The following NEU3 variants were observed in gnomAD, a reference collection of about 807,000 sequenced individuals.
NEU3 encodes the protein sialidase-3.
Under a neutral mutation model 11.4 loss-of-function variants are expected in NEU3, and 10 were observed. The observed-to-expected ratio is 0.88, with a 90% CI of 0.54 to 1.49. The LOEUF (loss-of-function observed/expected upper bound fraction) is 1.49. Ranked by LOEUF, NEU3 falls within the 40% of genes most tolerant of loss-of-function variation. The pLI, the probability that NEU3 is intolerant of heterozygous loss-of-function variation, is 0.00. For missense variants in NEU3, 529 were observed against 581.8 expected (o/e 0.91, Z 0.93); for synonymous variants, 212 against 228.2 (o/e 0.93, Z 0.64).
rs552631516 is a variant in NEU3, at chr11:75,009,420, T to C, written c.*2928T>C. 1.3e-5 allele frequency: 2 copies of C among 152,374 alleles called. No individual in the cohort carries two copies. Among genetic ancestry groups the C allele is most frequent in the East Asian group, 1.9e-4 (1 of 5,176 alleles). The allele number at this position is 152,374 out of a possible 1,614,324, so 9.4% of individuals were successfully genotyped here. A position where few individuals can be genotyped will look rare whatever the true frequency, so the allele number is the denominator to read the frequency against. On this transcript the variant is annotated 3_prime_UTR_variant, in exon 3 of 3. Transcript: ENST00000294064. ...TCCAGATGACCAACAAAGACAGCTA[T>C]AGACACTCTAACTCTGTGCCAATTA...
intron 2 of NEU3, chr11:75,004,310 G>A (rs1948876313): frequency 1.5e-6 from 1 of 679,048 alleles, no homozygotes; most frequent in African/African-American, 1.8e-5. Context: ...TTTAGAGATG[G>A]GGTTTTGCCA....
intron 2 of NEU3, among the ~76,000 whole-genome samples, chr11:75,004,753 T>C (rs1335073715): frequency 6.6e-6 from 1 of 152,218 alleles, no homozygotes; most frequent in Non-Finnish European, 1.5e-5. Context: ...ACTAGGTGTC[T>C]CTGAATCTAT....
intron 2 of NEU3, among the ~76,000 whole-genome samples, chr11:74,998,557 T>C (rs564635463): frequency 2.6e-5 from 4 of 152,304 alleles, no homozygotes; most frequent in Admixed American, 1.3e-4. Context: ...ACTTTAATAC[T>C]CCTAACCTAC....
rs61353358 is a variant in NEU3 at position 75,006,672 on chromosome 11, G to A, written c.*180G>A. The A allele has an allele frequency of 6.7e-3, 4,436 of 663,320 alleles. 133 individuals are homozygous for A. In the African/African-American group the frequency reaches 0.073, roughly 11 times the overall value. 41.1% of individuals were successfully genotyped at this position (663,320 alleles called of 1,614,324 possible). The stretch of plus-strand genomic sequence containing the variant: ...TAGCTACTGCAGTGGAAAGAGCACT[G>A]AACTAGGAGTTGGAAGACAAGGATG... On this transcript the variant is annotated 3_prime_UTR_variant, in exon 3 of 3. Transcript: ENST00000294064.
chr11:75,017,849 T>C (rs1353058304), intron 3 of NEU3, among the ~76,000 whole-genome samples: 2 of 152,124 alleles, frequency 1.3e-5, no homozygotes, highest in East Asian at 3.9e-4. Context: ...TAGGAATTAG[T>C]AAAATCTATT....
At chr11:74,992,702 G>A (rs754890405) in intron 1 of NEU3, among the ~76,000 whole-genome samples, 1 of 152,188 alleles carries the variant, frequency 6.6e-6, no homozygotes, top group African/African-American at 2.4e-5. Context: ...GCTCATGCCT[G>A]TAATACCAGC....
chr11:74,993,159 G>T (rs889557235), intron 1 of NEU3, among the ~76,000 whole-genome samples: 8 of 152,064 alleles, frequency 5.3e-5, no homozygotes, highest in Admixed American at 4.6e-4. Context: ...CTATAGGTCC[G>T]CATGGGTTAG....
At position 75,006,341 on chromosome 11, in the gene NEU3, A is replaced by T. The variant is rs1948899667; in HGVS notation, c.1235A>T (p.Glu412Val). ...GYSDLAALEEEGLFGCLFECG... is the reference protein window; with the variant it reads ...GYSDLAALEEVGLFGCLFECG... ...TCTGATCTGGCTGCTCTGGAGGAGGAGGGCTTGTTTGGGTGTTTGTTTGAA... is the reference window on the plus strand; with the variant it reads ...TCTGATCTGGCTGCTCTGGAGGAGGTGGGCTTGTTTGGGTGTTTGTTTGAA... Residue 412 changes from glutamate to valine, a missense_variant, in exon 3 of 3, where the codon GAG becomes GTG. By Grantham distance (121) the Glu-to-Val change is moderately radical (BLOSUM62 -2). Transcript: ENST00000294064. The T allele has an allele frequency of 6.2e-7, 1 of 1,613,672 alleles. No homozygotes were observed. The highest frequency in any genetic ancestry group is 1.3e-5 in the African/African-American group (1 of 74,822).
rs1440251855 is a variant in NEU3, at chr11:75,007,018, T to C, written c.*526T>C. 2 of 137,952 alleles carry C rather than the reference T, an allele frequency of 1.4e-5. No homozygotes were observed. The highest frequency in any genetic ancestry group is 7.8e-5 in the Admixed American group (1 of 12,844). The allele number at this position is 137,952 out of a possible 1,614,324, so 8.5% of individuals were successfully genotyped here. A position where few individuals can be genotyped will look rare whatever the true frequency, so the allele number is the denominator to read the frequency against. On this transcript the variant is annotated 3_prime_UTR_variant, in exon 3 of 3. Transcript: ENST00000294064. Reference sequence around the variant, plus strand: ...TTTGTTCCATTTTTAATAACAAAAATATCCACACCCTTTTAATAATGCTCA... The same window carrying C: ...TTTGTTCCATTTTTAATAACAAAAACATCCACACCCTTTTAATAATGCTCA...
rs1341784361 is a variant in NEU3 at position 75,007,658 on chromosome 11, G to T, written c.*1166G>T. 1 of 152,172 alleles carries T rather than the reference G, an allele frequency of 6.6e-6. No homozygotes were observed. Among genetic ancestry groups the T allele is most frequent in the Non-Finnish European group, 1.5e-5 (1 of 68,038 alleles). The allele number at this position is 152,172 out of a possible 1,614,324, so 9.4% of individuals were successfully genotyped here. On this transcript the variant is annotated 3_prime_UTR_variant, in exon 3 of 3. Transcript: ENST00000294064. ...ATCAGGCCTATTTGTGTAGGCCCAT[G>T]GAAATCACTACTTGTGAAGTAGAGA...
rs1172093975 is a variant in NEU3 at position 75,016,016 on chromosome 11, G to A, written c.*2-2675G>A. Among the ~76,000 whole-genome samples, 8 of 152,208 alleles carry A rather than the reference G, an allele frequency of 5.3e-5. No individual in the cohort carries two copies. The East Asian group carries it at 1.5e-3, about 29-fold the overall frequency. ...GATAGTCTGTGGACAAAGAGACCTCGAGTTACTTGGGCTGCCAAGGACTCA... is the reference window on the plus strand; with the variant it reads ...GATAGTCTGTGGACAAAGAGACCTCAAGTTACTTGGGCTGCCAAGGACTCA... On this transcript the variant is annotated intron_variant, in intron 3 of 3. Transcript: ENST00000529024.
intron 2 of NEU3, 129 bp from the exon 3 acceptor site, chr11:75,005,284 T>C: frequency 6.2e-6 from 6 of 967,872 alleles, no homozygotes; most frequent in Admixed American, 3.0e-5. Context: ...AGTGAGTAGT[T>C]AGGCCTTCGT....
intron 3 of NEU3, among the ~76,000 whole-genome samples, chr11:75,017,661 C>T (rs560527879): frequency 1.0e-3 from 156 of 152,294 alleles, no homozygotes; most frequent in Non-Finnish European, 1.9e-3. Flanking sequence ...GGGCCAAAGG[C>T]TGGCTCTCCT....
chr11:75,005,336 AAATACT>A (rs1948885721), intron 2 of NEU3, 71 bp from the exon 3 acceptor site: 4 of 1,367,190 alleles, frequency 2.9e-6, no homozygotes, highest in African/African-American at 1.5e-5. Flanking sequence ...TATTTATGAA[AAATACT>A]AATACTTTTA....
chr11:74,992,170 G>C (rs189270005), intron 1 of NEU3, among the ~76,000 whole-genome samples: 4 of 152,350 alleles, frequency 2.6e-5, no homozygotes, highest in Admixed American at 2.6e-4. Flanking sequence ...TATGAGGCAG[G>C]AGTTCTTTTG....
chr11:75,004,552 A>G (rs1248709271), intron 2 of NEU3: 1 of 449,854 alleles, frequency 2.2e-6, no homozygotes, highest in African/African-American at 2.0e-5. Context: ...TGTTTTGAAA[A>G]TATGTTAGGG....
chr11:75,004,527 A>G (rs568807036), intron 2 of NEU3: 45 of 451,358 alleles, frequency 1.0e-4, no homozygotes, highest in Admixed American at 5.3e-4. Flanking sequence ...AAATTTTCTT[A>G]CCAATTTCTA....
rs1948940608 is a variant in NEU3 at position 75,009,985 on chromosome 11, C to T, written c.*3493C>T. On this transcript the variant is annotated 3_prime_UTR_variant, in exon 3 of 3. Transcript: ENST00000294064. ...ACCTGAGTCTCCACAGCCTCCTCCC[C>T]AGGGCAGTAGGAATTGATATCTCAC... The T allele has an allele frequency of 6.6e-6, 1 of 152,256 alleles. No individual in the cohort carries two copies. Among genetic ancestry groups the T allele is most frequent in the African/African-American group, 2.4e-5 (1 of 41,448 alleles). 9.4% of individuals were successfully genotyped at this position (152,256 alleles called of 1,614,324 possible). A position where few individuals can be genotyped will look rare whatever the true frequency, so the allele number is the denominator to read the frequency against.
downstream of NEU3, among the ~76,000 whole-genome samples, chr11:75,011,499 C>G (rs759268712): frequency 1.3e-5 from 2 of 152,142 alleles, no homozygotes; most frequent in Non-Finnish European, 2.9e-5. Context: ...TACCTGCAAT[C>G]CCAGCACTTT....
Sources: gnomAD v4.1 joint callset for allele counts (sites outside exome capture counted in the v4.1 genomes callset) on GRCh38, gnomAD v4.1.1 for gene constraint, MANE v1.5 for transcripts, NCBI Gene and HGNC (gene_info 2026-07-23, HGNC 2026-07-21) for gene names.